ITGB5: variants seen among roughly 807,000 people sequenced by gnomAD.
The protein encoded by ITGB5 is integrin beta-5.
ITGB5 carries 38 observed loss-of-function variants against 84.8 expected under a neutral mutation model. That is an observed-to-expected ratio of 0.45 (90% CI 0.35 to 0.59). The LOEUF (loss-of-function observed/expected upper bound fraction) is 0.59, where lower values mean the gene tolerates loss of function less well. Among genes scored for constraint, ITGB5 ranks in the 20% least tolerant of loss-of-function variants. The pLI is 0.01. For missense variants in ITGB5, 905 were observed against 1,034.5 expected, an observed-to-expected ratio of 0.87 and a Z score of 1.72; for synonymous variants, 393 against 414.4, an observed-to-expected ratio of 0.95 and a Z score of 0.63.
chr3:124,787,344 A>C (rs1212707621), intron 10 of ITGB5: 2 of 152,222 alleles, frequency 1.3e-5, no homozygotes, highest in Non-Finnish European at 2.9e-5. Context: ...CTAAGCTCAG[A>C]GCACCGAGAA....
chr3:124,847,401 C>T (rs536035656), intron 4 of ITGB5, among the ~76,000 whole-genome samples: 1 of 152,232 alleles, frequency 6.6e-6, no homozygotes, highest in Non-Finnish European at 1.5e-5. Context: ...CAACCACCCA[C>T]CCCAGCATGC....
Position 124,819,236 on chromosome 3 carries a change from T to C in ITGB5, c.1038+503A>G, listed in dbSNP as rs143121826. 6.8e-3 allele frequency among the ~76,000 whole-genome samples: 1,041 copies of C among 152,342 alleles called. 13 individuals carry two copies. Among genetic ancestry groups the C allele is most frequent in the African/African-American group, 0.023 (966 of 41,568 alleles). On this transcript the variant is annotated intron_variant, in intron 7 of 14. Transcript: ENST00000296181. ...TCCAGGGTGACCCAGGAACAGTTTC[T>C]TTAAATGGAACAGATCCATATGCAG...
chr3:124,888,851 T>C (rs1053239607), upstream of ITGB5, among the ~76,000 whole-genome samples: 4 of 152,222 alleles, frequency 2.6e-5, no homozygotes, highest in African/African-American at 9.6e-5. Flanking sequence ...GTTTGGATGT[T>C]AACCTTTATT....
At chr3:124,879,998 AT>A (rs1356387570) in intron 1 of ITGB5, among the ~76,000 whole-genome samples, 1 of 152,190 alleles carries the variant, frequency 6.6e-6, no homozygotes, top group East Asian at 1.9e-4. Context: ...ATCAAAAGGT[AT>A]TTTTTTAAAG....
At chr3:124,800,643 G>C (rs1356870691) in intron 9 of ITGB5, among the ~76,000 whole-genome samples, 1 of 148,974 alleles carries the variant, frequency 6.7e-6, no homozygotes, top group African/African-American at 2.4e-5. Context: ...GTCTATTTCA[G>C]CCACTGGGTC....
chr3:124,797,085 G>A (rs1385060800), intron 9 of ITGB5, among the ~76,000 whole-genome samples: 1 of 152,232 alleles, frequency 6.6e-6, no homozygotes, highest in Non-Finnish European at 1.5e-5. Context: ...ATGACCCTGA[G>A]GAAATGGGCC....
chr3:124,872,597 CA>C (rs1259864982), intron 2 of ITGB5, among the ~76,000 whole-genome samples: 3 of 152,134 alleles, frequency 2.0e-5, no homozygotes. Flanking sequence ...CTGAGCCAGT[CA>C]AAAAGTCCTG....
At chr3:124,804,717 A>C (rs1352487731) in intron 9 of ITGB5, among the ~76,000 whole-genome samples, 1 of 152,160 alleles carries the variant, frequency 6.6e-6, no homozygotes, top group African/African-American at 2.4e-5. Flanking sequence ...CCCAGGCTAG[A>C]GTGCAGTGGT....
intron 6 of ITGB5, 69 bp from the exon 7 acceptor site, chr3:124,819,903 T>G: frequency 1.8e-6 from 2 of 1,133,050 alleles, no homozygotes; most frequent in Non-Finnish European, 2.7e-6. Flanking sequence ...CTGGCTCCAA[T>G]GCACAGTCAG....
chr3:124,793,902 C>T (rs1223959373), intron 10 of ITGB5, among the ~76,000 whole-genome samples: 1 of 152,250 alleles, frequency 6.6e-6, no homozygotes, highest in South Asian at 2.1e-4. Context: ...GGTCCCACGA[C>T]GCCCATGGGT....
intron 1 of ITGB5, among the ~76,000 whole-genome samples, chr3:124,880,245 A>C (rs540643685): frequency 6.6e-6 from 1 of 152,376 alleles, no homozygotes; most frequent in East Asian, 1.9e-4. Flanking sequence ...ATCCTAGAAC[A>C]GAAAAAGGAC....
intron 5 of ITGB5, among the ~76,000 whole-genome samples, chr3:124,830,988 G>GAAC (rs367649477): frequency 6.6e-5 from 10 of 151,906 alleles, no homozygotes; most frequent in South Asian, 2.1e-4. Flanking sequence ...CATCTCAAAC[G>GAAC]AACAACAACA....
intron 10 of ITGB5, among the ~76,000 whole-genome samples, chr3:124,776,370 T>C (rs1388908095): frequency 6.6e-6 from 1 of 152,228 alleles, no homozygotes; most frequent in Non-Finnish European, 1.5e-5. Flanking sequence ...GGGAGCACAC[T>C]GGTCAAGAGC....
intron 9 of ITGB5, among the ~76,000 whole-genome samples, chr3:124,797,343 A>G (rs2064246142): frequency 6.6e-6 from 1 of 152,150 alleles, no homozygotes; most frequent in African/African-American, 2.4e-5. Flanking sequence ...CTGCTGGCAA[A>G]GGGCTCAGCT....
At chr3:124,841,641 G>A (rs2065013318) in intron 4 of ITGB5, 90 bp from the exon 5 acceptor site, 4 of 1,299,996 alleles carry the variant, frequency 3.1e-6, no homozygotes, top group Non-Finnish European at 2.2e-6. Flanking sequence ...GCCTTGAGAG[G>A]CACCAATAAC....
chr3:124,843,653 A>T (rs1315681524), intron 4 of ITGB5, among the ~76,000 whole-genome samples: 1 of 152,284 alleles, frequency 6.6e-6, no homozygotes, highest in South Asian at 2.1e-4. Flanking sequence ...ACGCTAGGAG[A>T]GTCTCCACTG....
rs193176634 is a variant in ITGB5, at chr3:124,788,175, T to C, written c.1693+8213A>G. 2.3e-3 allele frequency among the ~76,000 whole-genome samples: 352 copies of C among 152,210 alleles called. 7 individuals carry two copies. Among genetic ancestry groups the C allele is most frequent in the Admixed American group, 0.022 (329 of 15,284 alleles). ...ACCTTGGCCTCCCAAAGTGCTAGGG[T>C]TACAGGTGTGAGCCACTGCACCCAG... On this transcript the variant is annotated intron_variant, in intron 10 of 14. Coordinates refer to ENST00000296181, the MANE Select transcript of ITGB5 (RefSeq NM_002213.5).
intron 1 of ITGB5, among the ~76,000 whole-genome samples, chr3:124,898,768 T>C (rs1280032179): frequency 2.1e-5 from 2 of 96,286 alleles, no homozygotes; most frequent in African/African-American, 8.5e-5. Context: ...CAAAACCCCA[T>C]GTCTTAAAAA....
intron 13 of ITGB5, among the ~76,000 whole-genome samples, 155 bp downstream of exon 13, chr3:124,766,071 A>AAG (rs1559919394): frequency 1.3e-5 from 2 of 151,890 alleles, no homozygotes; most frequent in African/African-American, 2.4e-5. Context: ...AAAAAAAAAA[A>AAG]AAAAAGAAAA....
Sources: gnomAD v4.1 joint callset for allele counts (sites outside exome capture counted in the v4.1 genomes callset) on GRCh38, gnomAD v4.1.1 for gene constraint, MANE v1.5 for transcripts, NCBI Gene and HGNC (gene_info 2026-07-23, HGNC 2026-07-21) for gene names.